The following SERPINI1 variants were observed in gnomAD, a reference collection of about 807,000 sequenced individuals.
SERPINI1 encodes the protein neuroserpin.
A neutral mutation model predicts 41.1 loss-of-function variants in SERPINI1; 19 were observed. That is an observed-to-expected ratio of 0.46 (90% CI 0.32 to 0.68). The LOEUF is 0.68. Among genes scored for constraint, SERPINI1 ranks in the 30% least tolerant of loss-of-function variants. The pLI, the probability that SERPINI1 is intolerant of heterozygous loss-of-function variation, is 0.03. For missense variants in SERPINI1, 460 were observed against 479.2 expected (o/e 0.96, Z 0.37); for synonymous variants, 138 against 156.6 (o/e 0.88, Z 0.89).
chr3:167,807,932 CAG>C (rs1711713362), intron 6 of SERPINI1, among the ~76,000 whole-genome samples: 1 of 151,946 alleles, frequency 6.6e-6, no homozygotes, highest in African/African-American at 2.4e-5. Context: ...ACCTGGTCAA[CAG>C]AGTGAAACCC....
At chr3:167,801,448 G>A (rs1438323646) in intron 5 of SERPINI1, among the ~76,000 whole-genome samples, 7 of 151,776 alleles carry the variant, frequency 4.6e-5, no homozygotes, top group African/African-American at 1.5e-4. Flanking sequence ...TTTAAAAGTT[G>A]TTGTTGGAAT....
At chr3:167,808,272 C>T (rs1264379048) in intron 6 of SERPINI1, among the ~76,000 whole-genome samples, 14 of 122,504 alleles carry the variant, frequency 1.1e-4, no homozygotes, top group Admixed American at 9.8e-4. Flanking sequence ...ATTCAAATAC[C>T]CTATTTTTTT....
intron 4 of SERPINI1, among the ~76,000 whole-genome samples, chr3:167,793,989 A>G (rs1727630691): frequency 6.6e-6 from 1 of 151,984 alleles, no homozygotes. Flanking sequence ...CTTAGATTTC[A>G]TTTTGACTCT....
intron 6 of SERPINI1, among the ~76,000 whole-genome samples, chr3:167,818,078 T>C (rs1410358318): frequency 1.3e-5 from 2 of 152,090 alleles, no homozygotes; most frequent in Non-Finnish European, 2.9e-5. Context: ...CAGACTGGAG[T>C]GCAATGGCAT....
intron 5 of SERPINI1, among the ~76,000 whole-genome samples, chr3:167,804,265 C>T (rs1711545826): frequency 6.6e-6 from 1 of 152,138 alleles, no homozygotes; most frequent in African/African-American, 2.4e-5. Flanking sequence ...TAACTGTGAA[C>T]CTGCTAAGAC....
chr3:167,750,891 C>T (rs1726022492), intron 1 of SERPINI1, among the ~76,000 whole-genome samples: 1 of 151,922 alleles, frequency 6.6e-6, no homozygotes, highest in Admixed American at 6.6e-5. Flanking sequence ...TATATTGTAC[C>T]TTGCATTCTT....
At chr3:167,788,865 A>G (rs1727399230) in intron 1 of SERPINI1, among the ~76,000 whole-genome samples, 1 of 152,210 alleles carries the variant, frequency 6.6e-6, no homozygotes, top group African/African-American at 2.4e-5. Context: ...TGAAAAACTG[A>G]TAAATTAGTT....
intron 6 of SERPINI1, among the ~76,000 whole-genome samples, chr3:167,809,298 C>A (rs1173010180): frequency 1.3e-5 from 2 of 152,146 alleles, no homozygotes; most frequent in Non-Finnish European, 2.9e-5. Context: ...CCATACTGGC[C>A]AAATTCCAAT....
At chr3:167,749,393 C>T (rs976744952) in intron 1 of SERPINI1, among the ~76,000 whole-genome samples, 3 of 152,042 alleles carry the variant, frequency 2.0e-5, no homozygotes, top group Non-Finnish European at 4.4e-5. Context: ...AGCTGCCTGG[C>T]ATGAATAATC....
chr3:167,764,928 T>C (rs1188245030), intron 1 of SERPINI1, among the ~76,000 whole-genome samples: 1 of 152,226 alleles, frequency 6.6e-6, no homozygotes, highest in Non-Finnish European at 1.5e-5. Context: ...CTCCTTTGAC[T>C]TCATGTTTCA....
chr3:167,768,122 A>T (rs1726626062), intron 1 of SERPINI1, among the ~76,000 whole-genome samples: 2 of 152,202 alleles, frequency 1.3e-5, no homozygotes, highest in Non-Finnish European at 1.5e-5. Context: ...TAGATGTGGC[A>T]AACTTCACTG....
At chr3:167,751,755 G>A (rs1174594478) in intron 1 of SERPINI1, among the ~76,000 whole-genome samples, 1 of 151,888 alleles carries the variant, frequency 6.6e-6, no homozygotes, top group Non-Finnish European at 1.5e-5. Context: ...ATCTTTTCCA[G>A]TACGGTATCT....
chr3:167,753,931 A>C (rs1404778698), intron 1 of SERPINI1, among the ~76,000 whole-genome samples: 2 of 152,196 alleles, frequency 1.3e-5, no homozygotes, highest in African/African-American at 2.4e-5. Context: ...CTCTCTGGAT[A>C]TATTACCTTG....
chr3:167,778,906 G>T (rs766033130), intron 1 of SERPINI1, among the ~76,000 whole-genome samples: 44 of 152,262 alleles, frequency 2.9e-4, no homozygotes, highest in Non-Finnish European at 5.1e-4. Context: ...AGCAAGGACA[G>T]ATAGTTTGGG....
chr3:167,778,565 A>C (rs893549111), intron 1 of SERPINI1, among the ~76,000 whole-genome samples: 1 of 152,242 alleles, frequency 6.6e-6, no homozygotes, highest in Non-Finnish European at 1.5e-5. Context: ...TCTGGGTGGC[A>C]TCAGTTGGTC....
At chr3:167,796,260 T>G (rs1727708009) in intron 5 of SERPINI1, among the ~76,000 whole-genome samples, 1 of 151,844 alleles carries the variant, frequency 6.6e-6, no homozygotes, top group African/African-American at 2.4e-5. Context: ...ATATGGAATA[T>G]TATGTTATGT....
At chr3:167,779,067 G>A (rs974712049) in intron 1 of SERPINI1, among the ~76,000 whole-genome samples, 4 of 152,024 alleles carry the variant, frequency 2.6e-5, no homozygotes, top group Admixed American at 2.6e-4. Context: ...AATCATTTTG[G>A]GCTATCATTG....
chr3:167,747,785 T>C (rs1382735313), intron 1 of SERPINI1, among the ~76,000 whole-genome samples: 1 of 152,146 alleles, frequency 6.6e-6, no homozygotes, highest in Admixed American at 6.5e-5. Context: ...TTATGGAAGA[T>C]AGAATTATGA....
intron 6 of SERPINI1, among the ~76,000 whole-genome samples, chr3:167,816,089 C>A (rs759119454): frequency 5.9e-5 from 9 of 152,164 alleles, no homozygotes; most frequent in Non-Finnish European, 5.9e-5. Context: ...TGTGTCCAGG[C>A]TGGAGTGCAG....
Sources: gnomAD v4.1 joint callset for allele counts (sites outside exome capture counted in the v4.1 genomes callset) on GRCh38, gnomAD v4.1.1 for gene constraint, MANE v1.5 for transcripts, NCBI Gene and HGNC (gene_info 2026-07-23, HGNC 2026-07-21) for gene names.